The following TENM1 variants were observed in gnomAD, a reference collection of about 807,000 sequenced individuals.
The protein encoded by TENM1 is teneurin transmembrane protein 1, also known as teneurin-1.
A neutral mutation model predicts 174.8 loss-of-function variants in TENM1; 35 were observed. The observed-to-expected ratio is 0.20, with a 90% confidence interval of 0.15 to 0.27. The LOEUF is 0.27. Among genes scored for constraint, TENM1 ranks in the 10% least tolerant of loss-of-function variants. The probability of loss-of-function intolerance (pLI) is 1.00; values close to 1 mark genes in which losing one functional copy is unlikely to be tolerated. For missense variants in TENM1, 1,633 were observed against 2,130.1 expected, an observed-to-expected ratio of 0.77 and a Z score of 4.59; for synonymous variants, 781 against 798.7, an observed-to-expected ratio of 0.98 and a Z score of 0.37.
At chrX:124,639,994 C>T (rs887630542) in intron 11 of TENM1, among the ~76,000 whole-genome samples, 4 of 110,463 alleles carry the variant, frequency 3.6e-5, no homozygotes, top group Non-Finnish European at 5.7e-5. Flanking sequence ...ACCACATCCA[C>T]CGTGTTCACT....
chrX:124,619,769 G>A (rs772483331), intron 11 of TENM1, among the ~76,000 whole-genome samples: 21 of 111,756 alleles, frequency 1.9e-4, no homozygotes, highest in Non-Finnish European at 3.8e-4. Context: ...CTAGTGAATC[G>A]AGCATCTTTT....
At chrX:125,083,003 G>A in the TENM1 span, among the ~76,000 whole-genome samples, 9 of 110,753 alleles carry the variant, frequency 8.1e-5, no homozygotes, top group South Asian at 3.7e-4. Flanking sequence ...ATTACTTTCC[G>A]ATTACAATGC....
Position 124,452,000 on chromosome X carries a change from A to G in TENM1, c.4104+1337T>C, listed in dbSNP as rs1218604476. 1.7e-4 allele frequency among the ~76,000 whole-genome samples: 19 copies of G among 112,468 alleles called. No homozygotes were observed. The East Asian group carries it at 4.2e-3, about 25-fold the overall frequency. On this transcript the variant is annotated intron_variant, in intron 23 of 31. Coordinates refer to ENST00000422452, the Ensembl canonical transcript of TENM1. ...GTCTAAAACACAAAAAGCAATGGCA[A>G]CAAAAGCCAAAATTGACAAATGGGA...
chrX:124,418,236 T>G (rs765536125), intron 25 of TENM1, among the ~76,000 whole-genome samples: 1 of 112,112 alleles, frequency 8.9e-6, no homozygotes, highest in East Asian at 2.8e-4. Flanking sequence ...CTCATTAACC[T>G]TACTCATTCC....
chrX:124,633,734 C>T (rs1239657525), intron 11 of TENM1, among the ~76,000 whole-genome samples: 2 of 110,855 alleles, frequency 1.8e-5, no homozygotes, highest in Admixed American at 9.6e-5. Context: ...CCTGGGGTGA[C>T]AAATCATCTC....
chrX:124,446,057 A>C (rs5911848), intron 23 of TENM1, among the ~76,000 whole-genome samples: 51 of 112,716 alleles, frequency 4.5e-4, no homozygotes, highest in Non-Finnish European at 7.7e-4. Flanking sequence ...TTTTATTGTC[A>C]AAGCAAATTT....
chrX:124,654,114 G>A (rs1186307498), intron 6 of TENM1, among the ~76,000 whole-genome samples: 2 of 111,961 alleles, frequency 1.8e-5, no homozygotes, highest in Non-Finnish European at 3.8e-5. Context: ...CTCTCAAGGA[G>A]CATTGAAAAT....
At chrX:124,752,052 C>T (rs1351847008) in intron 3 of TENM1, among the ~76,000 whole-genome samples, 1 of 110,552 alleles carries the variant, frequency 9.0e-6, no homozygotes, top group Non-Finnish European at 1.9e-5. Context: ...TTCTAGATCC[C>T]TGAGGAATCG....
At chrX:124,558,178 G>A (rs1006407519) in intron 14 of TENM1, among the ~76,000 whole-genome samples, 4 of 111,657 alleles carry the variant, frequency 3.6e-5, no homozygotes, top group Non-Finnish European at 7.5e-5. Flanking sequence ...CTGGACCAGC[G>A]GTGTCACCCA....
chrX:124,700,723 T>C (rs1230277160), intron 5 of TENM1, among the ~76,000 whole-genome samples: 1 of 111,819 alleles, frequency 8.9e-6, no homozygotes, highest in African/African-American at 3.2e-5. Context: ...ATCTAAATTC[T>C]TGAATTTTCC....
chrX:124,653,906 C>T, intron 6 of TENM1, 123 bp from the exon 10 acceptor site: 1 of 591,387 alleles, frequency 1.7e-6, no homozygotes, highest in Non-Finnish European at 2.6e-6. Context: ...CCTCCCCACC[C>T]CATCTGTCTT....
At chrX:124,497,175 C>T (rs751457782) in exon 20 of TENM1, 4 of 1,209,806 alleles carry the variant, frequency 3.3e-6, no homozygotes, top group Non-Finnish European at 2.2e-6. Context: ...GCAGGCTACA[C>T]TCCTTTGGTG....
At chrX:124,654,989 T>C (rs1010776616) in intron 6 of TENM1, among the ~76,000 whole-genome samples, 1 of 112,183 alleles carries the variant, frequency 8.9e-6, no homozygotes, top group African/African-American at 3.2e-5. Flanking sequence ...CTAAGGAAGA[T>C]ACTGCAGTAG....
chrX:124,652,792 A>G (rs2051343528), intron 7 of TENM1, among the ~76,000 whole-genome samples: 1 of 112,351 alleles, frequency 8.9e-6, no homozygotes, highest in Non-Finnish European at 1.9e-5. Flanking sequence ...ATCAGTTGAC[A>G]AGGACCTGGC....
chrX:124,420,721 T>C, exon 25 of TENM1: 1 of 1,211,375 alleles, frequency 8.3e-7, no homozygotes, highest in Admixed American at 2.2e-5. Context: ...TGGTACGAAT[T>C]CGAACATTTC....
intron 23 of TENM1, among the ~76,000 whole-genome samples, chrX:124,439,006 T>A (rs188889987): frequency 9.7e-4 from 108 of 111,837 alleles, no homozygotes; most frequent in African/African-American, 3.5e-3. Context: ...TTAAGAAAAC[T>A]GATAGATGTG....
At chrX:124,906,278 A>G (rs143592404) in intron 1 of TENM1, among the ~76,000 whole-genome samples, 1,326 of 112,016 alleles carry the variant, frequency 0.012, 28 homozygotes, top group African/African-American at 0.041. Flanking sequence ...GGGTACTCAA[A>G]GTATTTTTTC....
intron 8 of TENM1, among the ~76,000 whole-genome samples, chrX:124,650,117 A>G (rs7054176): frequency 0.1 from 10,334 of 102,208 alleles, 1,139 homozygotes; most frequent in African/African-American, 0.32. Flanking sequence ...CAGGAAAATC[A>G]CTTGAACCCA....
At chrX:124,446,001 A>G (rs1273774479) in intron 23 of TENM1, among the ~76,000 whole-genome samples, 1 of 112,526 alleles carries the variant, frequency 8.9e-6, no homozygotes, top group African/African-American at 3.2e-5. Flanking sequence ...TCAGTTTCAG[A>G]TTTCAGTAAA....
Sources: allele counts gnomAD v4.1 joint callset (sites outside exome capture counted in the v4.1 genomes callset), GRCh38; gene constraint gnomAD v4.1.1; transcripts MANE v1.5; gene names NCBI Gene and HGNC (gene_info 2026-07-23, HGNC 2026-07-21).